The following DGKK variants were observed in gnomAD, a reference collection of about 807,000 sequenced individuals.
The protein encoded by DGKK is 142 kDa diacylglycerol kinase.
Under a neutral mutation model 92.2 loss-of-function variants are expected in DGKK, and 35 were observed. The observed-to-expected ratio is 0.38, with a 90% confidence interval of 0.29 to 0.50. The LOEUF (loss-of-function observed/expected upper bound fraction) is 0.50. DGKK is among the 20% of genes least tolerant of loss of function. The pLI is 0.92. For missense variants in DGKK, 910 were observed against 992.2 expected, an observed-to-expected ratio of 0.92 and a Z score of 1.11; for synonymous variants, 368 against 360.6, an observed-to-expected ratio of 1.02 and a Z score of -0.23.
chrX:50,466,096 C>T (rs1264447404), intron 1 of DGKK, among the ~76,000 whole-genome samples: 1 of 87,160 alleles, frequency 1.1e-5, no homozygotes, highest in Non-Finnish European at 2.1e-5. Context: ...AAGCCCTAGT[C>T]GGAGATTTTA....
At chrX:50,381,259 G>A (rs1374426968) in intron 18 of DGKK, among the ~76,000 whole-genome samples, 2 of 111,416 alleles carry the variant, frequency 1.8e-5, no homozygotes, top group African/African-American at 6.5e-5. Context: ...CCTGACCTCA[G>A]GAATTCGAGA....
chrX:50,386,401 A>T lies in DGKK; in HGVS notation c.2304T>A (p.Ser768Arg). 8.3e-7 allele frequency: 1 copy of T among 1,210,001 alleles called. No individual in the cohort carries two copies. Among genetic ancestry groups the T allele is most frequent in the Non-Finnish European group, 1.1e-6 (1 of 894,730 alleles). Residue 768 changes from serine (S) to arginine (R), a missense_variant, in exon 15 of 28, where the codon AGT (serine) becomes AGA (arginine). Physicochemically the swap from Ser to Arg is moderately radical, Grantham distance 110 (BLOSUM62 -1). Coordinates refer to ENST00000611977, the MANE Select transcript of DGKK (RefSeq NM_001013742.4). Reference protein sequence around the residue: ...CKLELATKAQSLQKSLKLIIF... With the variant: ...CKLELATKAQRLQKSLKLIIF... ...TGATGAGTTTCAAGGATTTCTGGAG[A>T]CTCTGGGCCTTTGTAGCCAGCTCCA...
rs75113899 is a variant in DGKK at position 50,427,577 on chromosome X, T to TTAATAA, written c.646-3225_646-3220dup. On this transcript the variant is annotated intron_variant, in intron 1 of 27. Coordinates refer to ENST00000611977, the MANE Select transcript of DGKK (RefSeq NM_001013742.4). ...AAATGCACTGCACTAATGCAAGACG[T>TTAATAA]TAATAATAATAATAATAATAATAAT... Among the ~76,000 whole-genome samples, 759 of 98,004 alleles carry TTAATAA rather than the reference T, an allele frequency of 7.7e-3. 5 individuals carry two copies. The highest frequency in any genetic ancestry group is 0.015 in the Middle Eastern group (3 of 194). The allele number at this position is 98,004 out of a possible 115,157, so 85.1% of individuals were successfully genotyped here. A position where few individuals can be genotyped will look rare whatever the true frequency, so the allele number is the denominator to read the frequency against.
At chrX:50,440,133 C>T (rs782215826) in intron 1 of DGKK, among the ~76,000 whole-genome samples, 1 of 111,699 alleles carries the variant, frequency 9.0e-6, no homozygotes, top group East Asian at 2.8e-4. Context: ...TTGAAAATAT[C>T]CTCTTCTGTT....
At chrX:50,397,169 T>C (rs1204456774) in intron 8 of DGKK, among the ~76,000 whole-genome samples, 1 of 111,786 alleles carries the variant, frequency 8.9e-6, no homozygotes, top group Non-Finnish European at 1.9e-5. Context: ...GACTTTAAGC[T>C]CCTGATGAGT....
chrX:50,376,511 G>C (rs1557223857), intron 23 of DGKK, among the ~76,000 whole-genome samples: 1 of 111,625 alleles, frequency 9.0e-6, no homozygotes, highest in African/African-American at 3.3e-5. Flanking sequence ...TAGTTCTATT[G>C]GGTTTGGATT....
chrX:50,427,404 A>G lies in DGKK; in HGVS notation c.646-3046T>C, dbSNP rs186872973. Among the ~76,000 whole-genome samples, 487 of 110,377 alleles carry G rather than the reference A, an allele frequency of 4.4e-3. 4 individuals carry two copies. The highest frequency in any genetic ancestry group is 0.016 in the African/African-American group (476 of 30,413). On this transcript the variant is annotated intron_variant, in intron 1 of 27. Transcript: ENST00000611977. ...CACAGGAGATTTTTAGGGCAGTGAT[A>G]CTACCCTGTATGATACTGTAATGGT... is the stretch of plus-strand genomic sequence containing the variant.
At position 50,367,267 on chromosome X, in the gene DGKK, G is replaced by A. The variant is rs1557222572; in HGVS notation, c.*1673C>T. On this transcript the variant is annotated 3_prime_UTR_variant, in exon 28 of 28. Transcript: ENST00000611977. ...AAGTGGGAAGGGACAGTTAACTAAA[G>A]GTATGAGTCAAGGGTGGGGTGAAGA... 1 of 111,462 alleles carries A rather than the reference G, an allele frequency of 9.0e-6. No homozygotes were observed. Among genetic ancestry groups the A allele is most frequent in the African/African-American group, 3.3e-5 (1 of 30,620 alleles). 9.2% of individuals were successfully genotyped at this position (111,462 alleles called of 1,213,427 possible). A position where few individuals can be genotyped will look rare whatever the true frequency, so the allele number is the denominator to read the frequency against.
intron 1 of DGKK, among the ~76,000 whole-genome samples, chrX:50,463,488 C>T (rs187686735): frequency 1.0e-3 from 105 of 103,742 alleles, no homozygotes; most frequent in African/African-American, 3.5e-3. Context: ...CTCTACCTGT[C>T]CGGCTTTCCC....
chrX:50,466,977 T>A (rs782061328), intron 1 of DGKK, among the ~76,000 whole-genome samples: 2 of 111,954 alleles, frequency 1.8e-5, no homozygotes, highest in East Asian at 5.6e-4. Flanking sequence ...TTTTCATCAA[T>A]CATTTGTATG....
At chrX:50,425,541 A>G (rs782456961) in intron 1 of DGKK, among the ~76,000 whole-genome samples, 2 of 108,343 alleles carry the variant, frequency 1.8e-5, no homozygotes, top group South Asian at 3.9e-4. Flanking sequence ...ACACACACAC[A>G]TACACACACA....
intron 1 of DGKK, among the ~76,000 whole-genome samples, chrX:50,448,293 T>G (rs1467630760): frequency 2.7e-5 from 3 of 111,051 alleles, no homozygotes; most frequent in African/African-American, 9.8e-5. Flanking sequence ...CTATTTGATC[T>G]TCTGGGAGCT....
chrX:50,444,923 G>T (rs1408521508), intron 1 of DGKK, among the ~76,000 whole-genome samples: 2 of 110,882 alleles, frequency 1.8e-5, no homozygotes, highest in African/African-American at 6.6e-5. Context: ...ATGTATAAGT[G>T]TTCCCTTTTC....
chrX:50,397,596 G>C (rs1557226225), intron 8 of DGKK, among the ~76,000 whole-genome samples: 1 of 112,044 alleles, frequency 8.9e-6, no homozygotes, highest in African/African-American at 3.2e-5. Flanking sequence ...TGCTCTGGGG[G>C]TAGTGCCCAG....
At chrX:50,420,303 G>C in intron 4 of DGKK, 100 bp downstream of exon 4, 1 of 748,550 alleles carries the variant, frequency 1.3e-6, no homozygotes, top group Non-Finnish European at 2.0e-6. Context: ...GGTGGTCTCT[G>C]CTTCCATCTT....
chrX:50,468,149 A>G (rs1926957753), intron 1 of DGKK, among the ~76,000 whole-genome samples: 1 of 112,081 alleles, frequency 8.9e-6, no homozygotes, highest in African/African-American at 3.2e-5. Flanking sequence ...CTGTCTGGCA[A>G]TGACATTTTC....
At chrX:50,372,510 A>T (rs1924165199) in intron 25 of DGKK, among the ~76,000 whole-genome samples, 1 of 111,905 alleles carries the variant, frequency 8.9e-6, no homozygotes, top group Non-Finnish European at 1.9e-5. Context: ...GGCTGGCTCA[A>T]CTTTCTCCTC....
At chrX:50,428,692 CAG>C (rs1925806752) in intron 1 of DGKK, among the ~76,000 whole-genome samples, 1 of 111,654 alleles carries the variant, frequency 9.0e-6, no homozygotes, top group South Asian at 3.8e-4. Flanking sequence ...AAGTTCTAAA[CAG>C]AGGCTTTGTG....
chrX:50,450,899 T>C (rs1454317445), intron 1 of DGKK, among the ~76,000 whole-genome samples: 2 of 111,687 alleles, frequency 1.8e-5, no homozygotes, highest in Admixed American at 9.5e-5. Context: ...GTAGCAGATG[T>C]TGCAATGTCA....
Sources: allele counts gnomAD v4.1 joint callset (sites outside exome capture counted in the v4.1 genomes callset), GRCh38; gene constraint gnomAD v4.1.1; transcripts MANE v1.5; gene names NCBI Gene and HGNC (gene_info 2026-07-23, HGNC 2026-07-21).